GPA33: variants seen among roughly 807,000 people sequenced by gnomAD.
GPA33 encodes the protein cell surface A33 antigen.
A neutral mutation model predicts 35.6 loss-of-function variants in GPA33; 27 were observed. The ratio of observed to expected loss-of-function variants is 0.76; its 90% CI spans 0.56 to 1.04. The LOEUF is 1.04. GPA33 is among the 50% of genes least tolerant of loss of function. The pLI is 0.00. For missense variants in GPA33, 428 were observed against 411.9 expected, an observed-to-expected ratio of 1.04 and a Z score of -0.34; for synonymous variants, 176 against 164.0, an observed-to-expected ratio of 1.07 and a Z score of -0.56.
intron 4 of GPA33, among the ~76,000 whole-genome samples, chr1:167,062,846 C>T (rs56182791): frequency 0.18 from 27,100 of 151,562 alleles, 3,349 homozygotes; most frequent in South Asian, 0.41. Flanking sequence ...GGGTCCGTGA[C>T]GGCTGAGAGG....
At chr1:167,061,760 G>A (rs1286990399) in intron 4 of GPA33, among the ~76,000 whole-genome samples, 3 of 151,872 alleles carry the variant, frequency 2.0e-5, no homozygotes, top group South Asian at 4.2e-4. Context: ...CCGCCACCAC[G>A]TCCGGCTAAT....
chr1:167,089,211 A>G (rs932056053), intron 1 of GPA33, among the ~76,000 whole-genome samples: 2 of 152,146 alleles, frequency 1.3e-5, no homozygotes, highest in African/African-American at 2.4e-5. Context: ...AGAGAAAAGC[A>G]TGTCTAGGGC....
chr1:167,077,052 A>C (rs941407752), intron 1 of GPA33, among the ~76,000 whole-genome samples: 4 of 152,118 alleles, frequency 2.6e-5, no homozygotes, highest in Non-Finnish European at 5.9e-5. Flanking sequence ...CTAAAAATAC[A>C]AAAAATTAGC....
chr1:167,089,592 T>C (rs1667117240), intron 1 of GPA33, among the ~76,000 whole-genome samples: 1 of 152,216 alleles, frequency 6.6e-6, no homozygotes, highest in East Asian at 1.9e-4. Flanking sequence ...CACTGTGCTA[T>C]TAAGCACTTG....
At chr1:167,080,135 C>T (rs1005985489) in intron 1 of GPA33, among the ~76,000 whole-genome samples, 2 of 152,164 alleles carry the variant, frequency 1.3e-5, no homozygotes, top group Non-Finnish European at 2.9e-5. Context: ...TCCAGTCACT[C>T]CCTTTGCCCT....
At chr1:167,056,463 G>A (rs1168433135) in intron 4 of GPA33, among the ~76,000 whole-genome samples, 3 of 149,830 alleles carry the variant, frequency 2.0e-5, no homozygotes, top group African/African-American at 4.9e-5. Flanking sequence ...TGTGTGTGGT[G>A]TGTCAGTGTG....
intron 1 of GPA33, among the ~76,000 whole-genome samples, chr1:167,085,547 T>C (rs1667030806): frequency 6.6e-6 from 1 of 152,168 alleles, no homozygotes; most frequent in African/African-American, 2.4e-5. Flanking sequence ...CCCTATGGCC[T>C]TGCTTCTCAG....
intron 3 of GPA33, among the ~76,000 whole-genome samples, chr1:167,067,839 T>A (rs1355731999): frequency 2.6e-5 from 4 of 152,096 alleles, no homozygotes; most frequent in Non-Finnish European, 5.9e-5. Flanking sequence ...CCATTTTTTT[T>A]AAAGGAAAGA....
At chr1:167,073,991 T>C (rs1041125030) in intron 1 of GPA33, among the ~76,000 whole-genome samples, 1 of 151,972 alleles carries the variant, frequency 6.6e-6, no homozygotes, top group African/African-American at 2.4e-5. Flanking sequence ...GATGATGTAT[T>C]CTCTCATTTA....
At chr1:167,067,459 T>C (rs773820945) in intron 3 of GPA33, among the ~76,000 whole-genome samples, 1 of 152,158 alleles carries the variant, frequency 6.6e-6, no homozygotes, top group African/African-American at 2.4e-5. Context: ...AATCTCAGAT[T>C]AAATTTGTAT....
intron 1 of GPA33, among the ~76,000 whole-genome samples, chr1:167,079,264 G>A (rs550593960): frequency 1.2e-4 from 18 of 152,188 alleles, no homozygotes; most frequent in African/African-American, 3.1e-4. Flanking sequence ...AGGCTAAGGC[G>A]GGCGGATTGC....
intron 5 of GPA33, 67 bp downstream of exon 5, chr1:167,055,663 G>A (rs1666226773): frequency 1.3e-6 from 2 of 1,579,350 alleles, no homozygotes; most frequent in Non-Finnish European, 1.7e-6. Context: ...GGTCTCAGCT[G>A]ACTTTCTGGA....
intron 1 of GPA33, 125 bp downstream of exon 1, chr1:167,090,120 A>C: frequency 1.4e-6 from 1 of 724,812 alleles, no homozygotes; most frequent in Admixed American, 2.2e-5. Flanking sequence ...ATTCTGGCCC[A>C]GCAGGAACGC....
intron 4 of GPA33, among the ~76,000 whole-genome samples, chr1:167,062,996 T>C (rs903576927): frequency 2.0e-5 from 3 of 152,222 alleles, no homozygotes; most frequent in African/African-American, 7.2e-5. Flanking sequence ...AGAGTGCTTA[T>C]CAGGGCACGT....
chr1:167,088,751 G>A lies in GPA33; in HGVS notation c.43+1494C>T, dbSNP rs778093334. Reference sequence around the variant, plus strand: ...TCTTATTTTTATTCATGCATGGGTCGCAGCCAGTCTACAAGTGTGGGGATA... The same window carrying A: ...TCTTATTTTTATTCATGCATGGGTCACAGCCAGTCTACAAGTGTGGGGATA... On this transcript the variant is annotated intron_variant, in intron 1 of 6. Transcript: ENST00000367868. Among the ~76,000 whole-genome samples, 3 of 152,232 alleles carry A rather than the reference G, an allele frequency of 2.0e-5. No individual in the cohort carries two copies. The East Asian group carries it at 5.8e-4, about 29-fold the overall frequency.
intron 2 of GPA33, among the ~76,000 whole-genome samples, chr1:167,072,008 C>T (rs142393873): frequency 5.3e-5 from 8 of 152,190 alleles, no homozygotes; most frequent in African/African-American, 1.7e-4. Context: ...GGTTCCCTTT[C>T]GCTCCTACAA....
At chr1:167,062,108 C>T (rs904878257) in intron 4 of GPA33, among the ~76,000 whole-genome samples, 2 of 152,130 alleles carry the variant, frequency 1.3e-5, no homozygotes, top group Non-Finnish European at 2.9e-5. Flanking sequence ...ACTGAAAGAC[C>T]TCCCAGAAGC....
chr1:167,054,228 C>G lies in GPA33; in HGVS notation c.*106G>C. ...GGGGAAGAAATGTCCCCATCAATGT[C>G]TGGGATGGAGGGACAGGAGAACAGG... On this transcript the variant is annotated 3_prime_UTR_variant, in exon 7 of 7. Coordinates refer to ENST00000367868, the MANE Select transcript of GPA33 (RefSeq NM_005814.3). The G allele has an allele frequency of 7.1e-7, 1 of 1,407,932 alleles. No individual in the cohort carries two copies. 87.2% of individuals were successfully genotyped at this position (1,407,932 alleles called of 1,614,324 possible).
At chr1:167,081,200 C>A (rs560479038) in intron 1 of GPA33, among the ~76,000 whole-genome samples, 1 of 152,194 alleles carries the variant, frequency 6.6e-6, no homozygotes, top group African/African-American at 2.4e-5. Context: ...CTTGATGGAA[C>A]CGGTGGCTTG....
Sources: allele counts gnomAD v4.1 joint callset (sites outside exome capture counted in the v4.1 genomes callset), GRCh38; gene constraint gnomAD v4.1.1; transcripts MANE v1.5; gene names NCBI Gene and HGNC (gene_info 2026-07-23, HGNC 2026-07-21).